The following TMEM209 variants were observed in gnomAD, a reference collection of about 807,000 sequenced individuals.
The protein encoded by TMEM209 is transmembrane protein 209.
In TMEM209, 65 loss-of-function variants were observed where a neutral mutation model predicts 76.2. The observed-to-expected ratio is 0.85, with a 90% CI of 0.70 to 1.05. TMEM209 has a LOEUF of 1.05. TMEM209 is among the 50% of genes least tolerant of loss of function. The pLI, the probability that TMEM209 is intolerant of heterozygous loss-of-function variation, is 0.00. For synonymous variants in TMEM209, 239 were observed against 237.6 expected (o/e 1.01, Z -0.06); for missense variants, 623 against 685.5 (o/e 0.91, Z 1.02).
chr7:130,177,522 A>G (rs914360679), intron 10 of TMEM209, among the ~76,000 whole-genome samples: 1 of 152,118 alleles, frequency 6.6e-6, no homozygotes, highest in Non-Finnish European at 1.5e-5. Flanking sequence ...CAACATAGCA[A>G]GACCCTTTCT....
chr7:130,183,264 G>A (rs1281736501), intron 8 of TMEM209, among the ~76,000 whole-genome samples: 2 of 152,032 alleles, frequency 1.3e-5, no homozygotes, highest in Non-Finnish European at 2.9e-5. Context: ...TGTGACAAAT[G>A]GTACAAAAGA....
In TMEM209 at chr7:130,178,557, T is replaced by C. The variant is rs781465407; in HGVS notation, c.1121-30A>G. 9 of 1,610,140 alleles carry C rather than the reference T, an allele frequency of 5.6e-6. No homozygotes were observed. The East Asian group carries it at 1.6e-4, about 28-fold the overall frequency. On this transcript the variant is annotated intron_variant, in intron 9 of 14. Coordinates refer to ENST00000397622, the MANE Select transcript of TMEM209 (RefSeq NM_032842.4). ...TAACATAAAACACAGAGAACACTGA[T>C]TATTCTAAAAGTGAGTTTCCAAAAG...
In TMEM209 at chr7:130,174,063, T is replaced by G. The variant is rs536484362; in HGVS notation, c.1345-124A>C. On this transcript the variant is annotated intron_variant, in intron 11 of 14. Transcript: ENST00000397622. Reference sequence around the variant, plus strand: ...AAAAATTTTTTCTCTGAAGAGTGAATTAGAAAAATGCTGTCAAATGGTTAG... The same window carrying G: ...AAAAATTTTTTCTCTGAAGAGTGAAGTAGAAAAATGCTGTCAAATGGTTAG... 1.3e-5 allele frequency: 8 copies of G among 621,526 alleles called. 1 individual carries two copies. In the South Asian group the frequency reaches 1.7e-4, roughly 13 times the overall value. 38.5% of individuals were successfully genotyped at this position (621,526 alleles called of 1,614,324 possible). A position where few individuals can be genotyped will look rare whatever the true frequency, so the allele number is the denominator to read the frequency against.
chr7:130,184,639 C>T (rs192393062), intron 7 of TMEM209, among the ~76,000 whole-genome samples: 1 of 152,112 alleles, frequency 6.6e-6, no homozygotes, highest in Admixed American at 6.5e-5. Flanking sequence ...ACCACAGGCA[C>T]ACGCCACCAT....
chr7:130,177,351 A>AC (rs201924724), intron 10 of TMEM209, among the ~76,000 whole-genome samples: 429 of 149,634 alleles, frequency 2.9e-3, no homozygotes, highest in Non-Finnish European at 5.1e-3. Context: ...CTGTCTCCAA[A>AC]AAAAAAAAAA....
At chr7:130,202,206 G>T in intron 4 of TMEM209, 115 bp from the exon 5 acceptor site, 1 of 1,316,098 alleles carries the variant, frequency 7.6e-7, no homozygotes, top group Admixed American at 2.8e-5. Context: ...AGAGTTACTT[G>T]GTTGTTAAAT....
chr7:130,204,711 A>C (rs1181186016), intron 1 of TMEM209, among the ~76,000 whole-genome samples: 2 of 152,232 alleles, frequency 1.3e-5, no homozygotes, highest in Non-Finnish European at 2.9e-5. Flanking sequence ...TTTAAGGGTT[A>C]TGTCTAGAAA....
chr7:130,176,644 C>T (rs1452406802), intron 10 of TMEM209, among the ~76,000 whole-genome samples: 4 of 151,640 alleles, frequency 2.6e-5, no homozygotes, highest in Admixed American at 1.3e-4. Context: ...ACTATGGGAA[C>T]CACTAAAGAC....
rs1013622672 is a variant in TMEM209, at chr7:130,167,415, CT to C, written c.1632-911del. 7.9e-5 allele frequency among the ~76,000 whole-genome samples: 12 copies of C among 152,174 alleles called. No individual in the cohort carries two copies. In the South Asian group the frequency reaches 1.9e-3, roughly 24 times the overall value. On this transcript the variant is annotated intron_variant, in intron 14 of 14. Coordinates refer to ENST00000397622, the MANE Select transcript of TMEM209 (RefSeq NM_032842.4). ...TGACAGAAAAAAAAGTTAATTTTGA[CT>C]TGTTTGTACATGAGTCTAAGCATCT...
chr7:130,193,141 T>C lies in TMEM209; in HGVS notation c.574-318A>G, dbSNP rs546556573. ...GGCCACACACAAACCTGTATGTTTA[T>C]GGCAGCTTTATTCCTAATGGCCAAA... On this transcript the variant is annotated intron_variant, in intron 5 of 14. Coordinates refer to ENST00000397622, the MANE Select transcript of TMEM209 (RefSeq NM_032842.4). 2.6e-5 allele frequency among the ~76,000 whole-genome samples: 4 copies of C among 152,358 alleles called. No homozygotes were observed. In the South Asian group the frequency reaches 6.2e-4, roughly 24 times the overall value.
intron 4 of TMEM209, 52 bp from the exon 5 acceptor site, chr7:130,202,143 T>C (rs2117038362): frequency 2.6e-6 from 4 of 1,539,482 alleles, no homozygotes; most frequent in South Asian, 1.3e-5. Context: ...AATAAAATTA[T>C]ACGAAAATAT....
chr7:130,166,373 T>C lies in TMEM209; in HGVS notation c.*78A>G. 1 of 1,161,492 alleles carries C rather than the reference T, an allele frequency of 8.6e-7. No individual in the cohort carries two copies. Among genetic ancestry groups the C allele is most frequent in the East Asian group, 2.6e-5 (1 of 37,966 alleles). 71.9% of individuals were successfully genotyped at this position (1,161,492 alleles called of 1,614,324 possible). A position where few individuals can be genotyped will look rare whatever the true frequency, so the allele number is the denominator to read the frequency against. On this transcript the variant is annotated 3_prime_UTR_variant, in exon 15 of 15. Transcript: ENST00000397622. The stretch of plus-strand genomic sequence containing the variant: ...CCATGTGTATTTTATTTCAGAAGAG[T>C]CAGTGGCTCAGAGATGTTTAGTTTC...
chr7:130,199,601 C>T (rs866245996), intron 5 of TMEM209, among the ~76,000 whole-genome samples: 7 of 152,158 alleles, frequency 4.6e-5, no homozygotes, highest in Middle Eastern at 3.4e-3. Context: ...GTAAAAAAAA[C>T]TCAACTCATT....
At position 130,192,665 on chromosome 7, in the gene TMEM209, A is replaced by C; in HGVS notation, c.732T>G (p.Thr244=). 1.2e-6 allele frequency: 2 copies of C among 1,613,768 alleles called. No homozygotes were observed. Among genetic ancestry groups the C allele is most frequent in the Non-Finnish European group, 1.7e-6 (2 of 1,179,734 alleles). The change falls in exon 6 of 15, where the codon ACT becomes ACG. Residue 244 remains threonine, a synonymous_variant. Transcript: ENST00000397622. Reference sequence around the variant, plus strand: ...GTTTCTCCTCTTCACTTCTGAGAAAAGTATCCAAAGTTCGTAGGTCGGTCA... The same window carrying C: ...GTTTCTCCTCTTCACTTCTGAGAAACGTATCCAAAGTTCGTAGGTCGGTCA... ...DYMTDLRTLD[T]FLRSEEEKQH...
At chr7:130,203,730 A>C (rs1015090832) in intron 3 of TMEM209, 58 bp downstream of exon 3, 6 of 1,422,190 alleles carry the variant, frequency 4.2e-6, no homozygotes, top group Non-Finnish European at 5.8e-6. Flanking sequence ...AGCTGAATTA[A>C]ACCTGAAGGC....
chr7:130,189,219 C>CA (rs1228139899), intron 6 of TMEM209, among the ~76,000 whole-genome samples: 1 of 152,030 alleles, frequency 6.6e-6, no homozygotes, highest in African/African-American at 2.4e-5. Context: ...TTCTTTGAGA[C>CA]AGAGTCTCAC....
intron 9 of TMEM209, among the ~76,000 whole-genome samples, chr7:130,181,334 T>C (rs143908343): frequency 3.0e-3 from 464 of 152,276 alleles, no homozygotes; most frequent in Non-Finnish European, 3.8e-3. Flanking sequence ...GGGTGACTGG[T>C]AAAAGGTGGA....
intron 13 of TMEM209, among the ~76,000 whole-genome samples, chr7:130,171,065 C>T (rs1022175986): frequency 6.6e-6 from 1 of 151,714 alleles, no homozygotes; most frequent in African/African-American, 2.4e-5. Flanking sequence ...GGGTGGGGAG[C>T]TGGGGGACTG....
chr7:130,197,633 G>A (rs1798035410), intron 5 of TMEM209, among the ~76,000 whole-genome samples: 1 of 152,206 alleles, frequency 6.6e-6, no homozygotes, highest in African/African-American at 2.4e-5. Context: ...GATATTAAGA[G>A]TGTTTTCAGC....
Sources: allele counts gnomAD v4.1 joint callset (sites outside exome capture counted in the v4.1 genomes callset), GRCh38; gene constraint gnomAD v4.1.1; transcripts MANE v1.5; gene names NCBI Gene and HGNC (gene_info 2026-07-23, HGNC 2026-07-21).